Variants in CNN3 observed in about 807,000 individuals in gnomAD.
CNN3 encodes calponin-3.
CNN3 carries 11 observed loss-of-function variants against 39.0 expected under a neutral mutation model. That is an observed-to-expected ratio of 0.28 (90% CI 0.18 to 0.47). CNN3 has a LOEUF of 0.47. Ranked by LOEUF, CNN3 falls within the 20% of genes least tolerant of loss-of-function variation. The pLI, the probability that CNN3 is intolerant of heterozygous loss-of-function variation, is 0.99. For synonymous variants in CNN3, 101 were observed against 138.3 expected (o/e 0.73, Z 1.89); for missense variants, 266 against 403.4 (o/e 0.66, Z 2.92).
At chr1:94,899,787 A>G (rs537738272) in intron 5 of CNN3, among the ~76,000 whole-genome samples, 2 of 152,358 alleles carry the variant, frequency 1.3e-5, no homozygotes, top group South Asian at 4.1e-4. Flanking sequence ...AAGTCATTAC[A>G]GTGGCAGAAT....
At chr1:94,921,607 T>C (rs1191445166) in intron 1 of CNN3, among the ~76,000 whole-genome samples, 3 of 141,154 alleles carry the variant, frequency 2.1e-5, no homozygotes, top group East Asian at 2.0e-4. Flanking sequence ...AAACAGGCAC[T>C]GGGGAAAAAA....
At chr1:94,910,214 T>C (rs1328028478) in intron 1 of CNN3, among the ~76,000 whole-genome samples, 2 of 152,212 alleles carry the variant, frequency 1.3e-5, no homozygotes, top group Non-Finnish European at 2.9e-5. Flanking sequence ...GTGTGTTCCT[T>C]AGATTCTTCT....
At chr1:94,911,918 T>A (rs1394657456) in intron 1 of CNN3, among the ~76,000 whole-genome samples, 5 of 151,992 alleles carry the variant, frequency 3.3e-5, no homozygotes, top group Non-Finnish European at 5.9e-5. Context: ...ACAAAAAAAT[T>A]AGCTGGGCGT....
At chr1:94,907,728 C>A (rs574319274) in intron 1 of CNN3, among the ~76,000 whole-genome samples, 1 of 152,080 alleles carries the variant, frequency 6.6e-6, no homozygotes, top group African/African-American at 2.4e-5. Context: ...GGTGTGGTGG[C>A]GGGCGCCTGT....
chr1:94,925,626 T>G, intron 1 of CNN3: 1 of 985,386 alleles, frequency 1.0e-6, no homozygotes, highest in Non-Finnish European at 1.2e-6. Flanking sequence ...ACGGTGCGCT[T>G]CATTACCTCT....
At chr1:94,925,948 G>A (rs571136792) in intron 1 of CNN3, 4 of 428,046 alleles carry the variant, frequency 9.3e-6, no homozygotes, top group East Asian at 1.6e-4. Context: ...TTTGGGGAGG[G>A]GGACGCCTCT....
At chr1:94,902,489 G>A (rs553122688) in intron 3 of CNN3, among the ~76,000 whole-genome samples, 3 of 152,220 alleles carry the variant, frequency 2.0e-5, no homozygotes, top group South Asian at 2.1e-4. Flanking sequence ...AAGCAGTTAC[G>A]TGTTTTCAGT....
chr1:94,909,613 G>A (rs1350765199), intron 1 of CNN3, among the ~76,000 whole-genome samples: 7 of 152,056 alleles, frequency 4.6e-5, no homozygotes, highest in Admixed American at 1.3e-4. Context: ...CAACCCCGAG[G>A]GCCTATGTGT....
chr1:94,922,300 C>T (rs572927111), intron 1 of CNN3, among the ~76,000 whole-genome samples: 1 of 152,288 alleles, frequency 6.6e-6, no homozygotes, highest in Non-Finnish European at 1.5e-5. Context: ...AAAATCATCA[C>T]ACTTGCACTA....
chr1:94,918,325 T>A (rs776534944), intron 1 of CNN3, among the ~76,000 whole-genome samples: 1 of 151,858 alleles, frequency 6.6e-6, no homozygotes, highest in Non-Finnish European at 1.5e-5. Context: ...AAACCCCGAC[T>A]GTACTAAAAA....
intron 1 of CNN3, among the ~76,000 whole-genome samples, chr1:94,908,526 A>G (rs139419762): frequency 1.0e-3 from 152 of 152,092 alleles, no homozygotes; most frequent in Non-Finnish European, 1.7e-3. Context: ...TAAAATAATA[A>G]TTGGTTTTTT....
At chr1:94,908,776 G>A (rs1298609428) in intron 1 of CNN3, among the ~76,000 whole-genome samples, 1 of 152,050 alleles carries the variant, frequency 6.6e-6, no homozygotes, top group African/African-American at 2.4e-5. Context: ...CCTGACTTCA[G>A]GTGATCCGCC....
At chr1:94,924,329 T>C (rs1437163569) in intron 1 of CNN3, 1 of 152,094 alleles carries the variant, frequency 6.6e-6, no homozygotes, top group African/African-American at 2.4e-5. Context: ...GTAGCAAAAA[T>C]GGGAGGAAGG....
intron 3 of CNN3, 151 bp downstream of exon 3, chr1:94,902,971 C>A: frequency 3.8e-6 from 2 of 523,310 alleles, no homozygotes; most frequent in Non-Finnish European, 6.5e-6. Context: ...ATTAAATATG[C>A]ACAAATTTCT....
chr1:94,925,604 T>C (rs928696415), intron 1 of CNN3: 2 of 985,422 alleles, frequency 2.0e-6, no homozygotes, highest in Non-Finnish European at 2.4e-6. Flanking sequence ...AACTCTCCCT[T>C]GGGGTTTGAC....
chr1:94,897,518 G>A lies in CNN3; in HGVS notation c.*224C>T, dbSNP rs1670755162. On this transcript the variant is annotated 3_prime_UTR_variant, in exon 7 of 7. Transcript: ENST00000370206. The stretch of plus-strand genomic sequence containing the variant: ...CAGTATTCCTTTTTACTTCATATGC[G>A]AGTTATTGATTATGCTGTAGGATTT... The A allele has an allele frequency of 6.2e-6, 3 of 483,834 alleles. No homozygotes were observed. Among genetic ancestry groups the A allele is most frequent in the South Asian group, 7.7e-5 (2 of 26,108 alleles). 30.0% of individuals were successfully genotyped at this position (483,834 alleles called of 1,614,324 possible). A position where few individuals can be genotyped will look rare whatever the true frequency, so the allele number is the denominator to read the frequency against.
intron 1 of CNN3, among the ~76,000 whole-genome samples, chr1:94,905,904 A>G (rs1055283857): frequency 6.6e-6 from 1 of 152,084 alleles, no homozygotes; most frequent in Admixed American, 6.6e-5. Flanking sequence ...CTTGGATAAT[A>G]TATCTCCTCC....
chr1:94,911,474 A>G (rs1671163425), intron 1 of CNN3, among the ~76,000 whole-genome samples: 1 of 152,230 alleles, frequency 6.6e-6, no homozygotes, highest in Non-Finnish European at 1.5e-5. Flanking sequence ...TGAGACTGAC[A>G]AGAAATTAAA....
chr1:94,912,271 A>G (rs1410202359), intron 1 of CNN3, among the ~76,000 whole-genome samples: 1 of 152,198 alleles, frequency 6.6e-6, no homozygotes, highest in Admixed American at 6.5e-5. Context: ...CAAGGAGCGA[A>G]CAAGTATAGA....
Sources: gnomAD v4.1 joint callset for allele counts (sites outside exome capture counted in the v4.1 genomes callset) on GRCh38, gnomAD v4.1.1 for gene constraint, MANE v1.5 for transcripts, NCBI Gene and HGNC (gene_info 2026-07-23, HGNC 2026-07-21) for gene names.